ADK: variants seen among roughly 807,000 people sequenced by gnomAD.
The protein encoded by ADK is adenosine kinase, also known as N6,N6-dimethyladenosine kinase.
In ADK, 24 loss-of-function variants were observed where a neutral mutation model predicts 44.7. That is an observed-to-expected ratio of 0.54 (90% CI 0.39 to 0.76). ADK has a LOEUF of 0.76. Ranked by LOEUF, ADK falls within the 30% of genes least tolerant of loss-of-function variation. The pLI, the probability that ADK is intolerant of heterozygous loss-of-function variation, is 0.00. For synonymous variants in ADK, 128 were observed against 142.6 expected, an observed-to-expected ratio of 0.90 and a Z score of 0.73; for missense variants, 321 against 425.1, an observed-to-expected ratio of 0.76 and a Z score of 2.15.
intron 7 of ADK, among the ~76,000 whole-genome samples, chr10:74,546,688 C>A (rs1849828944): frequency 1.3e-5 from 2 of 151,796 alleles, no homozygotes; most frequent in African/African-American, 4.8e-5. Context: ...ATTTTTGGTA[C>A]CTCTTAGGAA....
At chr10:74,600,309 G>A in intron 8 of ADK, 70 bp from the exon 9 acceptor site, 1 of 942,970 alleles carries the variant, frequency 1.1e-6, no homozygotes. Context: ...AAGCTAAATT[G>A]TTAATCTACT....
intron 6 of ADK, among the ~76,000 whole-genome samples, chr10:74,451,067 C>CTTTTTTTTTTTTTTTTTTTTTTTTTTTTT (rs35120068): frequency 2.8e-5 from 2 of 72,164 alleles, no homozygotes; most frequent in African/African-American, 1.2e-4. Flanking sequence ...GCTCTGCTGC[C>CTTTTTTTTTTTTTTTTTTTTTTTTTTTTT]TTTTTTTTTT....
chr10:74,533,788 GACAGATGAAAGC>G lies in ADK; in HGVS notation c.726+8364_726+8375del, dbSNP rs548021526. ...ATCCCACTCCTAGATATTCACCCAG[GACAGATGAAAGC>G]ATCTGTCCATGTAAAGACATACACA... On this transcript the variant is annotated intron_variant, in intron 7 of 10. Transcript: ENST00000539909. Among the ~76,000 whole-genome samples, 124 of 152,210 alleles carry G rather than the reference GACAGATGAAAGC, an allele frequency of 8.1e-4. 2 individuals are homozygous for G. The East Asian group carries it at 0.024, about 29-fold the overall frequency.
At chr10:74,328,201 G>A (rs1841086374) in intron 4 of ADK, among the ~76,000 whole-genome samples, 2 of 152,112 alleles carry the variant, frequency 1.3e-5, no homozygotes, top group African/African-American at 2.4e-5. Flanking sequence ...GAGCCAACTT[G>A]TCCAGCCACA....
At chr10:74,532,417 G>T (rs1037030089) in intron 7 of ADK, among the ~76,000 whole-genome samples, 2 of 148,492 alleles carry the variant, frequency 1.3e-5, no homozygotes, top group African/African-American at 2.5e-5. Context: ...GGCAGAGGTT[G>T]CAGTGAGCCA....
chr10:74,595,533 C>T (rs891981767), intron 8 of ADK, among the ~76,000 whole-genome samples: 1 of 150,766 alleles, frequency 6.6e-6, no homozygotes, highest in African/African-American at 2.4e-5. Context: ...CCCGCCACCA[C>T]ATCCGGCTAA....
intron 4 of ADK, among the ~76,000 whole-genome samples, chr10:74,341,960 T>A (rs527563893): frequency 6.6e-6 from 1 of 152,248 alleles, no homozygotes; most frequent in East Asian, 1.9e-4. Flanking sequence ...TTTCTGTGAG[T>A]CCTTCTTCCC....
At chr10:74,365,972 A>T (rs1486065129) in intron 4 of ADK, among the ~76,000 whole-genome samples, 3 of 152,178 alleles carry the variant, frequency 2.0e-5, no homozygotes, top group Admixed American at 2.0e-4. Flanking sequence ...ATGACTAATG[A>T]TATTGTAAAT....
At chr10:74,165,497 A>C (rs1842011786) in intron 1 of ADK, among the ~76,000 whole-genome samples, 1 of 151,156 alleles carries the variant, frequency 6.6e-6, no homozygotes, top group Admixed American at 6.6e-5. Context: ...AATTTTTTTT[A>C]AGATAAGAAT....
At chr10:74,493,507 G>T (rs977795824) in intron 6 of ADK, among the ~76,000 whole-genome samples, 2 of 150,106 alleles carry the variant, frequency 1.3e-5, no homozygotes, top group African/African-American at 4.9e-5. Context: ...GAGAGATATA[G>T]ATATATAGAT....
chr10:74,706,495 G>A (rs890892841), intron 10 of ADK, among the ~76,000 whole-genome samples: 9 of 152,000 alleles, frequency 5.9e-5, no homozygotes, highest in Admixed American at 1.3e-4. Flanking sequence ...CACACAATTT[G>A]TTAAAGTGTC....
intron 3 of ADK, among the ~76,000 whole-genome samples, chr10:74,260,517 C>T (rs914031166): frequency 2.0e-5 from 3 of 152,098 alleles, no homozygotes; most frequent in African/African-American, 7.2e-5. Context: ...CCTGCCTTGG[C>T]CTGTGATTAT....
At chr10:74,292,537 A>G (rs1839658147) in intron 3 of ADK, among the ~76,000 whole-genome samples, 1 of 152,080 alleles carries the variant, frequency 6.6e-6, no homozygotes, top group Non-Finnish European at 1.5e-5. Context: ...TATTTTTGAT[A>G]TCCTAATGTG....
intron 6 of ADK, among the ~76,000 whole-genome samples, chr10:74,444,809 AT>A (rs1195112608): frequency 6.6e-6 from 1 of 151,906 alleles, no homozygotes. Context: ...AAAAGATAAG[AT>A]TTTTTTTCCC....
rs540414532 is a variant in ADK at position 74,422,876 on chromosome 10, A to G, written c.555+24297A>G. Among the ~76,000 whole-genome samples, 6 of 152,288 alleles carry G rather than the reference A, an allele frequency of 3.9e-5. No homozygotes were observed. The East Asian group carries it at 1.2e-3, about 29-fold the overall frequency. On this transcript the variant is annotated intron_variant, in intron 6 of 10. Transcript: ENST00000539909. ...GAGCAATGGGTTCATGGCTGTCACA[A>G]TAATGCTGTGGCAATTCTATGGTTT...
At chr10:74,613,854 G>A (rs1274865934) in intron 9 of ADK, among the ~76,000 whole-genome samples, 3 of 152,064 alleles carry the variant, frequency 2.0e-5, no homozygotes, top group African/African-American at 4.8e-5. Context: ...CTCTACTACA[G>A]CCAAATCAAT....
At chr10:74,483,533 A>G (rs1386952107) in intron 6 of ADK, among the ~76,000 whole-genome samples, 1 of 152,128 alleles carries the variant, frequency 6.6e-6, no homozygotes, top group East Asian at 1.9e-4. Flanking sequence ...TGCCCAGAAA[A>G]TTTCTCTTTT....
chr10:74,450,377 C>T (rs767632226), intron 6 of ADK, among the ~76,000 whole-genome samples: 30 of 152,138 alleles, frequency 2.0e-4, no homozygotes, highest in African/African-American at 5.1e-4. Context: ...TTTTCTATTT[C>T]GTCTCTCTCT....
chr10:74,393,707 A>C (rs973810432), intron 4 of ADK, among the ~76,000 whole-genome samples: 1 of 152,222 alleles, frequency 6.6e-6, no homozygotes, highest in Admixed American at 6.5e-5. Flanking sequence ...TGAAATGAGA[A>C]ATGTTAAGAG....
Sources: allele counts gnomAD v4.1 joint callset (sites outside exome capture counted in the v4.1 genomes callset), GRCh38; gene constraint gnomAD v4.1.1; transcripts MANE v1.5; gene names NCBI Gene and HGNC (gene_info 2026-07-23, HGNC 2026-07-21).